Variants in MSRA observed in about 807,000 individuals in gnomAD.
MSRA encodes the protein methionine sulfoxide reductase A.
In MSRA, 54 loss-of-function variants were observed where a neutral mutation model predicts 31.3. The ratio of observed to expected loss-of-function variants is 1.73; its 90% CI spans 1.39 to 2.17. MSRA has a LOEUF of 2.17. Among genes scored for constraint, MSRA ranks in the 30% most tolerant of loss-of-function variants. MSRA has a pLI of 0.00. For synonymous variants in MSRA, 169 were observed against 116.5 expected (o/e 1.45, Z -2.90); for missense variants, 507 against 300.9 (o/e 1.69, Z -5.07).
chr8:10,148,363 T>G (rs1456064334), intron 1 of MSRA, among the ~76,000 whole-genome samples: 1 of 151,738 alleles, frequency 6.6e-6, no homozygotes, highest in Non-Finnish European at 1.5e-5. Flanking sequence ...GAATAGGAAT[T>G]TAGGCCAGGC....
At chr8:10,213,061 T>A (rs944240787) in intron 2 of MSRA, among the ~76,000 whole-genome samples, 13 of 152,198 alleles carry the variant, frequency 8.5e-5, no homozygotes, top group South Asian at 2.1e-4. Context: ...CTCTTAGTTA[T>A]TTTTAAATAT....
intron 5 of MSRA, among the ~76,000 whole-genome samples, chr8:10,334,912 TC>T (rs1802932607): frequency 6.6e-6 from 1 of 152,182 alleles, no homozygotes; most frequent in African/African-American, 2.4e-5. Context: ...TGATGGCTGT[TC>T]GGGCCCCGCC....
At chr8:10,248,620 G>C (rs892133341) in intron 3 of MSRA, among the ~76,000 whole-genome samples, 1 of 152,154 alleles carries the variant, frequency 6.6e-6, no homozygotes, top group African/African-American at 2.4e-5. Context: ...AGAGGGTGTG[G>C]ATTCATATCC....
chr8:10,289,602 G>A (rs1258391769), intron 3 of MSRA, among the ~76,000 whole-genome samples: 1 of 152,146 alleles, frequency 6.6e-6, no homozygotes, highest in Non-Finnish European at 1.5e-5. Flanking sequence ...AAATGGTATG[G>A]AGTGCCTTTT....
intron 3 of MSRA, among the ~76,000 whole-genome samples, chr8:10,293,489 A>G (rs1044156220): frequency 4.6e-5 from 7 of 152,198 alleles, no homozygotes; most frequent in Non-Finnish European, 5.9e-5. Context: ...TCCTCCAGAC[A>G]TCTGCATCTC....
At position 10,428,265 on chromosome 8, in the gene MSRA, G is replaced by C. The variant is rs543375336; in HGVS notation, c.661G>C (p.Gly221Arg). ...GAGCAAGAACCCCAATGGCTACTGC[G>C]GCCTTGGGGGCACCGGCGTGTCCTG... Reference protein sequence around the residue: ...YLSKNPNGYCGLGGTGVSCPV... With the variant: ...YLSKNPNGYCRLGGTGVSCPV... The change falls in exon 6 of 6, where the codon GGC (glycine) becomes CGC (arginine). Residue 221 changes from glycine to arginine, a missense_variant. Transcript: ENST00000317173. 3 of 1,613,910 alleles carry C rather than the reference G, an allele frequency of 1.9e-6. No homozygotes were observed. The highest frequency in any genetic ancestry group is 2.5e-6 in the Non-Finnish European group (3 of 1,179,966).
intron 1 of MSRA, among the ~76,000 whole-genome samples, chr8:10,134,439 G>T (rs946818582): frequency 6.6e-6 from 1 of 152,212 alleles, no homozygotes; most frequent in African/African-American, 2.4e-5. Flanking sequence ...TCGCAATGGG[G>T]GTTTCAGTTT....
chr8:10,286,657 C>T (rs556577427), intron 3 of MSRA, among the ~76,000 whole-genome samples: 1 of 152,328 alleles, frequency 6.6e-6, no homozygotes, highest in South Asian at 2.1e-4. Flanking sequence ...CCCATGGCAC[C>T]TAACACTTTC....
At chr8:10,091,768 C>T (rs189789067) in intron 1 of MSRA, among the ~76,000 whole-genome samples, 14 of 152,060 alleles carry the variant, frequency 9.2e-5, no homozygotes, top group South Asian at 4.1e-4. Context: ...CACCACACCC[C>T]GCTAATTTTT....
intron 3 of MSRA, among the ~76,000 whole-genome samples, chr8:10,251,393 G>A (rs10503405): frequency 6.6e-6 from 1 of 151,872 alleles, no homozygotes. Flanking sequence ...TCTCTTTTTA[G>A]TGCATAGTCA....
intron 5 of MSRA, among the ~76,000 whole-genome samples, chr8:10,391,405 A>T (rs1585661835): frequency 6.6e-6 from 1 of 152,202 alleles, no homozygotes; most frequent in African/African-American, 2.4e-5. Context: ...TGTGATGTGT[A>T]TGAAATGTCT....
intron 1 of MSRA, among the ~76,000 whole-genome samples, chr8:10,138,764 C>T (rs1802475020): frequency 6.6e-6 from 1 of 152,206 alleles, no homozygotes; most frequent in Admixed American, 6.5e-5. Context: ...ACTTGCAAAA[C>T]CACTCCCCTT....
intron 1 of MSRA, among the ~76,000 whole-genome samples, chr8:10,074,652 C>CTTCTT (rs1035162008): frequency 1.3e-5 from 2 of 151,992 alleles, no homozygotes; most frequent in African/African-American, 4.8e-5. Context: ...ACCCCTTCTT[C>CTTCTT]TTCTTTTCTT....
intron 2 of MSRA, among the ~76,000 whole-genome samples, chr8:10,227,261 A>G (rs573528800): frequency 6.6e-5 from 10 of 152,258 alleles, no homozygotes; most frequent in Middle Eastern, 6.8e-3. Context: ...GTCATAAGGA[A>G]GAGGGGCTAA....
chr8:10,385,352 A>G (rs1806321933), intron 5 of MSRA, among the ~76,000 whole-genome samples: 1 of 152,252 alleles, frequency 6.6e-6, no homozygotes, highest in African/African-American at 2.4e-5. Flanking sequence ...GGACAAAGGT[A>G]GAAGCCTAGA....
At chr8:10,138,918 GC>G (rs1361366330) in intron 1 of MSRA, among the ~76,000 whole-genome samples, 28 of 152,224 alleles carry the variant, frequency 1.8e-4, no homozygotes, top group Admixed American at 1.8e-3. Flanking sequence ...GAAACAGGTG[GC>G]CCTAGAGCTC....
chr8:10,244,743 A>C (rs985247509), intron 2 of MSRA, among the ~76,000 whole-genome samples: 1 of 152,168 alleles, frequency 6.6e-6, no homozygotes, highest in African/African-American at 2.4e-5. Context: ...CAGGGAGTGG[A>C]TCATTCAGTA....
At chr8:10,104,816 C>G (rs951559578) in intron 1 of MSRA, among the ~76,000 whole-genome samples, 3 of 152,166 alleles carry the variant, frequency 2.0e-5, no homozygotes, top group Non-Finnish European at 4.4e-5. Context: ...TTGGAATGCC[C>G]TTGGCCAAGA....
chr8:10,243,501 C>T (rs1797448704), intron 2 of MSRA, among the ~76,000 whole-genome samples: 1 of 152,152 alleles, frequency 6.6e-6, no homozygotes, highest in South Asian at 2.1e-4. Context: ...TCACTAGCAG[C>T]AAGCAATTCA....
Sources: allele counts gnomAD v4.1 joint callset (sites outside exome capture counted in the v4.1 genomes callset), GRCh38; gene constraint gnomAD v4.1.1; transcripts MANE v1.5; gene names NCBI Gene and HGNC (gene_info 2026-07-23, HGNC 2026-07-21).